The following SNTG2 variants were observed in gnomAD, a reference collection of about 807,000 sequenced individuals.
The protein encoded by SNTG2 is syntrophin gamma 2.
A neutral mutation model predicts 70.9 loss-of-function variants in SNTG2; 74 were observed. That is an observed-to-expected ratio of 1.04 (90% CI 0.86 to 1.27). The LOEUF is 1.27. SNTG2 is among the 50% of genes most tolerant of loss of function. SNTG2 has a pLI of 0.00. For synonymous variants in SNTG2, 278 were observed against 273.8 expected (o/e 1.02, Z -0.15); for missense variants, 717 against 690.7 (o/e 1.04, Z -0.43).
chr2:1,190,427 G>C (rs1335568007), intron 8 of SNTG2, among the ~76,000 whole-genome samples: 1 of 144,168 alleles, frequency 6.9e-6, no homozygotes, highest in Non-Finnish European at 1.5e-5. Context: ...ATAACTTTTT[G>C]TGGGAGGTAT....
intron 1 of SNTG2, among the ~76,000 whole-genome samples, chr2:1,020,523 G>A (rs1450811369): frequency 6.6e-6 from 1 of 152,132 alleles, no homozygotes; most frequent in Non-Finnish European, 1.5e-5. Context: ...TGATTGTGCT[G>A]GGTCTGTGTA....
At chr2:1,357,539 G>T (rs13406022) in intron 16 of SNTG2, among the ~76,000 whole-genome samples, 14,409 of 152,160 alleles carry the variant, frequency 0.095, 852 homozygotes, top group South Asian at 0.15. Flanking sequence ...TACATAATGA[G>T]TTTGGAAGTG....
chr2:1,328,841 A>G (rs1681866355), intron 16 of SNTG2, among the ~76,000 whole-genome samples: 1 of 152,024 alleles, frequency 6.6e-6, no homozygotes, highest in Admixed American at 6.6e-5. Context: ...ACACACATAC[A>G]CATACACACA....
chr2:1,046,183 T>C (rs1265646487), intron 1 of SNTG2, among the ~76,000 whole-genome samples: 1 of 152,116 alleles, frequency 6.6e-6, no homozygotes, highest in Non-Finnish European at 1.5e-5. Flanking sequence ...GAAATAAGAA[T>C]AGAAAACCCT....
chr2:1,174,228 GA>G (rs1427441768), intron 8 of SNTG2, among the ~76,000 whole-genome samples: 1 of 151,994 alleles, frequency 6.6e-6, no homozygotes. Flanking sequence ...GGCCTGCCCA[GA>G]GATATAAGGC....
chr2:1,036,003 T>C (rs1661108064), intron 1 of SNTG2, among the ~76,000 whole-genome samples: 1 of 152,230 alleles, frequency 6.6e-6, no homozygotes. Flanking sequence ...GGGATTTTTC[T>C]GTAACCTTGT....
chr2:1,263,120 AAAG>A (rs1228638124), intron 13 of SNTG2, among the ~76,000 whole-genome samples: 2 of 152,236 alleles, frequency 1.3e-5, no homozygotes, highest in Non-Finnish European at 2.9e-5. Flanking sequence ...AATTGAATCT[AAAG>A]AAGAGTCCAT....
chr2:992,130 A>G (rs759768180), intron 1 of SNTG2, among the ~76,000 whole-genome samples: 7 of 152,182 alleles, frequency 4.6e-5, no homozygotes, highest in Admixed American at 1.3e-4. Flanking sequence ...TTTGAAGGAA[A>G]CATATTTTAT....
chr2:1,277,768 G>A (rs1239381455), intron 14 of SNTG2, among the ~76,000 whole-genome samples: 1 of 152,194 alleles, frequency 6.6e-6, no homozygotes, highest in East Asian at 1.9e-4. Context: ...CTGGGCACCT[G>A]CAGGAGGTTT....
At chr2:1,036,716 T>G (rs1028419652) in intron 1 of SNTG2, among the ~76,000 whole-genome samples, 1 of 136,556 alleles carries the variant, frequency 7.3e-6, no homozygotes, top group Non-Finnish European at 1.7e-5. Flanking sequence ...TGTGATTTTT[T>G]CCAGCTGATC....
In SNTG2 at chr2:993,087, T is replaced by TA. The variant is rs1553305729; in HGVS notation, c.72+42020dup. On this transcript the variant is annotated intron_variant, in intron 1 of 16. Coordinates refer to ENST00000308624, the MANE Select transcript of SNTG2 (RefSeq NM_018968.4). ...TGTGGGTTCTTTTTTTTTTTTTTTT[T>TA]ATTATACTCTAAGTTTTAGGGTACA... Among the ~76,000 whole-genome samples the TA allele has an allele frequency of 2.8e-3, 411 of 145,540 alleles. 1 individual carries two copies. The highest frequency in any genetic ancestry group is 8.8e-3 in the African/African-American group (347 of 39,234).
intron 1 of SNTG2, among the ~76,000 whole-genome samples, chr2:969,873 G>T (rs1190691912): frequency 2.6e-5 from 4 of 152,084 alleles, no homozygotes; most frequent in African/African-American, 9.7e-5. Context: ...TTGCCTAATT[G>T]CTCTGGCTAG....
At chr2:1,277,479 A>G (rs1331285033) in intron 14 of SNTG2, among the ~76,000 whole-genome samples, 4 of 152,246 alleles carry the variant, frequency 2.6e-5, no homozygotes, top group African/African-American at 9.6e-5. Flanking sequence ...AGGTGTGTAT[A>G]TTACTTCTTA....
intron 16 of SNTG2, among the ~76,000 whole-genome samples, chr2:1,361,615 T>C (rs1661151455): frequency 6.6e-6 from 1 of 152,260 alleles, no homozygotes; most frequent in South Asian, 2.1e-4. Context: ...ACGCTGAGCA[T>C]TTCAGTAGAA....
chr2:1,183,382 A>G (rs1274823670), intron 8 of SNTG2, among the ~76,000 whole-genome samples: 1 of 152,110 alleles, frequency 6.6e-6, no homozygotes, highest in African/African-American at 2.4e-5. Context: ...GTGCAGTTTC[A>G]GGGTGATATG....
At chr2:1,115,720 G>A (rs569398678) in intron 4 of SNTG2, among the ~76,000 whole-genome samples, 1 of 117,518 alleles carries the variant, frequency 8.5e-6, no homozygotes, top group Non-Finnish European at 2.0e-5. Flanking sequence ...TGTGTACTAA[G>A]TGATGTTTAA....
chr2:958,338 T>G (rs995814979), intron 1 of SNTG2, among the ~76,000 whole-genome samples: 1 of 152,196 alleles, frequency 6.6e-6, no homozygotes, highest in Admixed American at 6.5e-5. Flanking sequence ...TAACTGAGGT[T>G]GTCATACAAA....
At chr2:959,623 G>T (rs1330770280) in intron 1 of SNTG2, among the ~76,000 whole-genome samples, 1 of 151,354 alleles carries the variant, frequency 6.6e-6, no homozygotes, top group Non-Finnish European at 1.5e-5. Context: ...TGCTTTACTG[G>T]CCTTGGGCTG....
chr2:1,000,607 T>C (rs900345808), intron 1 of SNTG2, among the ~76,000 whole-genome samples: 2 of 151,642 alleles, frequency 1.3e-5, no homozygotes, highest in Non-Finnish European at 3.0e-5. Flanking sequence ...CAATAACTTA[T>C]TAAGTTGAAT....
Sources: gnomAD v4.1 joint callset for allele counts (sites outside exome capture counted in the v4.1 genomes callset) on GRCh38, gnomAD v4.1.1 for gene constraint, MANE v1.5 for transcripts, NCBI Gene and HGNC (gene_info 2026-07-23, HGNC 2026-07-21) for gene names.